Variants in MAP2K5 observed in about 807,000 individuals in gnomAD.
MAP2K5 encodes mitogen-activated protein kinase kinase 5.
Under a neutral mutation model 83.1 loss-of-function variants are expected in MAP2K5, and 49 were observed. That is an observed-to-expected ratio of 0.59 (90% CI 0.47 to 0.75). The LOEUF (loss-of-function observed/expected upper bound fraction) is 0.75, where lower values mean the gene tolerates loss of function less well. Ranked by LOEUF, MAP2K5 falls within the 30% of genes least tolerant of loss-of-function variation. The pLI, the probability that MAP2K5 is intolerant of heterozygous loss-of-function variation, is 0.00. For missense variants in MAP2K5, 457 were observed against 557.5 expected (o/e 0.82, Z 1.82); for synonymous variants, 202 against 191.8 (o/e 1.05, Z -0.44).
Position 67,703,346 on chromosome 15 carries a change from A to G in MAP2K5, c.982A>G (p.Ile328Val), listed in dbSNP as rs1259963786. Residue 328 changes from isoleucine (I) to valine (V), a missense_variant, in exon 16 of 22, where the codon ATT becomes GTT. By Grantham distance (29) the Ile-to-Val change is conservative (BLOSUM62 3). Transcript: ENST00000178640. ...TTCTGATTTCTTGCAGCCTGAAAGG[A>G]TTTCAGGGGAGCAGTATGGAATTCA... Reference protein sequence around the residue: ...GTNAYMAPERISGEQYGIHSD... With the variant: ...GTNAYMAPERVSGEQYGIHSD... 1 of 1,613,018 alleles carries G rather than the reference A, an allele frequency of 6.2e-7. No homozygotes were observed. The highest frequency in any genetic ancestry group is 8.5e-7 in the Non-Finnish European group (1 of 1,179,134).
intron 8 of MAP2K5, among the ~76,000 whole-genome samples, chr15:67,621,739 T>A (rs1487958520): frequency 6.6e-6 from 1 of 152,140 alleles, no homozygotes; most frequent in Non-Finnish European, 1.5e-5. Flanking sequence ...AAATGATTAT[T>A]TGTAAAATGT....
At chr15:67,660,284 G>GT (rs1282222698) in intron 12 of MAP2K5, among the ~76,000 whole-genome samples, 4 of 151,840 alleles carry the variant, frequency 2.6e-5, no homozygotes, top group Non-Finnish European at 4.4e-5. Context: ...AAAATGTAGT[G>GT]TTTTTTTTGT....
At position 67,748,602 on chromosome 15, in the gene MAP2K5, G is replaced by T. The variant is rs2089655307; in HGVS notation, c.1134+1G>T. 1.9e-6 allele frequency: 3 copies of T among 1,613,728 alleles called. No individual in the cohort carries two copies. The highest frequency in any genetic ancestry group is 1.7e-5 in the Admixed American group (1 of 59,982). On this transcript the variant is annotated splice_donor_variant, in intron 19 of 21. Transcript: ENST00000178640. LOFTEE classifies it high-confidence loss of function. This position sits in a 1 kb window ranked among gnomAD's most constrained non-coding sequence, Gnocchi z 4.0. ...GCTTCTGCAGTGCATTGTTGATGAG[G>T]TGAGGCATCGTCTTATGTGCTTTCA...
intron 8 of MAP2K5, among the ~76,000 whole-genome samples, chr15:67,610,346 AATTT>A (rs1269359285): frequency 6.6e-6 from 1 of 152,136 alleles, no homozygotes; most frequent in Non-Finnish European, 1.5e-5. Flanking sequence ...AAAAACTTAT[AATTT>A]AATAATTGAA....
At chr15:67,567,906 T>G (rs1276947759) in intron 3 of MAP2K5, among the ~76,000 whole-genome samples, 1 of 152,150 alleles carries the variant, frequency 6.6e-6, no homozygotes, top group Non-Finnish European at 1.5e-5. Flanking sequence ...GAGGCCCAGT[T>G]CTAGGAGGGG....
intron 8 of MAP2K5, among the ~76,000 whole-genome samples, chr15:67,616,839 G>C (rs2086066921): frequency 6.6e-6 from 1 of 151,998 alleles, no homozygotes. Context: ...TATTTTCTTA[G>C]GTTTCCTATC....
intron 15 of MAP2K5, among the ~76,000 whole-genome samples, chr15:67,700,421 C>T (rs1009184829): frequency 5.3e-5 from 8 of 152,214 alleles, no homozygotes; most frequent in African/African-American, 1.9e-4. Context: ...TAGCTTTTCA[C>T]ACTGATGACA....
At chr15:67,679,238 C>T (rs1254530000) in intron 13 of MAP2K5, among the ~76,000 whole-genome samples, 1 of 152,074 alleles carries the variant, frequency 6.6e-6, no homozygotes, top group Non-Finnish European at 1.5e-5. Flanking sequence ...TATTAGCAAG[C>T]TTCTGCTTGA....
rs985296891 is a variant in MAP2K5, at chr15:67,636,511, C to T, written c.585+5584C>T. On this transcript the variant is annotated intron_variant, in intron 9 of 21. Coordinates refer to ENST00000178640, the MANE Select transcript of MAP2K5 (RefSeq NM_145160.3). The surrounding 1 kb of genome is among the most constrained non-coding windows in gnomAD (Gnocchi z 4.7). ...ATATCTGGATCAGTTTTGACTGATT[C>T]CTCTTCTCCTCACTTTGGGTTGTAT... Among the ~76,000 whole-genome samples the T allele has an allele frequency of 6.6e-6, 1 of 150,928 alleles. No homozygotes were observed. The highest frequency in any genetic ancestry group is 1.5e-5 in the Non-Finnish European group (1 of 67,820).
At chr15:67,693,729 A>G (rs1002763548) in intron 15 of MAP2K5, among the ~76,000 whole-genome samples, 161 bp downstream of exon 15, 1 of 152,208 alleles carries the variant, frequency 6.6e-6, no homozygotes, top group African/African-American at 2.4e-5. Flanking sequence ...TTTCTAAAAG[A>G]CATTAGAGTT....
At chr15:67,567,425 C>T (rs1227897965) in intron 3 of MAP2K5, among the ~76,000 whole-genome samples, 4 of 147,038 alleles carry the variant, frequency 2.7e-5, no homozygotes, top group Non-Finnish European at 5.9e-5. Context: ...ACTGCAGTGG[C>T]GCAATCTCGG....
chr15:67,583,791 A>G (rs1046277840), intron 4 of MAP2K5, among the ~76,000 whole-genome samples: 2 of 151,918 alleles, frequency 1.3e-5, no homozygotes, highest in African/African-American at 4.8e-5. Context: ...GTCTCACTCT[A>G]TCACCCAGGC....
At chr15:67,626,969 G>A (rs150865396) in intron 8 of MAP2K5, among the ~76,000 whole-genome samples, 1 of 151,342 alleles carries the variant, frequency 6.6e-6, no homozygotes, top group African/African-American at 2.4e-5. Context: ...GTCTCGCTCT[G>A]TCACCCGGGC....
At chr15:67,680,649 A>G (rs1345229199) in intron 13 of MAP2K5, among the ~76,000 whole-genome samples, 7 of 152,212 alleles carry the variant, frequency 4.6e-5, no homozygotes, top group Non-Finnish European at 1.0e-4. Context: ...GCTCACTGAT[A>G]TTTTTCTAAT....
At chr15:67,567,192 A>G (rs1005694359) in intron 3 of MAP2K5, among the ~76,000 whole-genome samples, 1 of 152,208 alleles carries the variant, frequency 6.6e-6, no homozygotes, top group African/African-American at 2.4e-5. Flanking sequence ...GTGTTATTAC[A>G]GCACCATTGT....
At chr15:67,709,787 T>C (rs2088645180) in intron 16 of MAP2K5, among the ~76,000 whole-genome samples, 1 of 152,240 alleles carries the variant, frequency 6.6e-6, no homozygotes, top group Non-Finnish European at 1.5e-5. Flanking sequence ...TGGGTCCTTC[T>C]TGAGTCAAAA....
intron 7 of MAP2K5, among the ~76,000 whole-genome samples, chr15:67,596,103 C>T (rs532250261): frequency 6.6e-6 from 1 of 152,034 alleles, no homozygotes; most frequent in African/African-American, 2.4e-5. Flanking sequence ...CATCTTTTGG[C>T]TGTTATTTTG....
At position 67,786,387 on chromosome 15, in the gene MAP2K5, T is replaced by C. The variant is rs117722043; in HGVS notation, c.1242+13635T>C. Among the ~76,000 whole-genome samples the C allele has an allele frequency of 1.8e-3, 281 of 152,328 alleles. No individual in the cohort carries two copies. Among genetic ancestry groups the C allele is most frequent in the Admixed American group, 5.0e-3 (77 of 15,300 alleles). ...TATTATTGGTAAAATGTAATGAGCA[T>C]CTTGTTGGAGGGAATTATTGTAAAC... On this transcript the variant is annotated intron_variant, in intron 21 of 21. Transcript: ENST00000178640. This position sits in a 1 kb window ranked among gnomAD's most constrained non-coding sequence, Gnocchi z 4.7.
chr15:67,667,381 C>G (rs1048930076), intron 13 of MAP2K5, among the ~76,000 whole-genome samples: 2 of 152,148 alleles, frequency 1.3e-5, no homozygotes, highest in Non-Finnish European at 2.9e-5. Context: ...GCTGTTCCTT[C>G]TTAAAAGCAC....
Sources: allele counts gnomAD v4.1 joint callset (sites outside exome capture counted in the v4.1 genomes callset), GRCh38; gene constraint gnomAD v4.1.1; non-coding constraint Gnocchi (gnomAD v3.1); transcripts MANE v1.5; gene names NCBI Gene and HGNC (gene_info 2026-07-23, HGNC 2026-07-21).